The following ST7 variants were observed in gnomAD, a reference collection of about 807,000 sequenced individuals.
The protein encoded by ST7 is suppressor of tumorigenicity 7 protein.
ST7 carries 28 observed loss-of-function variants against 78.7 expected under a neutral mutation model. The ratio of observed to expected loss-of-function variants is 0.36; its 90% CI spans 0.26 to 0.49. The LOEUF is 0.49. Ranked by LOEUF, ST7 falls within the 20% of genes least tolerant of loss-of-function variation. The pLI is 0.99. For missense variants in ST7, 418 were observed against 696.0 expected (o/e 0.60, Z 4.49); for synonymous variants, 247 against 249.6 (o/e 0.99, Z 0.10).
chr7:117,170,541 C>T (rs550837259), intron 9 of ST7, among the ~76,000 whole-genome samples: 1 of 152,036 alleles, frequency 6.6e-6, no homozygotes, highest in Non-Finnish European at 1.5e-5. Context: ...ATTAGCCGGG[C>T]ATGGTAGCAT....
chr7:117,079,560 A>G (rs529546770), intron 1 of ST7, among the ~76,000 whole-genome samples: 1 of 152,326 alleles, frequency 6.6e-6, no homozygotes, highest in African/African-American at 2.4e-5. Flanking sequence ...TGTTGCTGCT[A>G]TTATTCTGTC....
At chr7:117,125,808 A>T (rs1251422550) in intron 3 of ST7, among the ~76,000 whole-genome samples, 1 of 152,060 alleles carries the variant, frequency 6.6e-6, no homozygotes, top group Non-Finnish European at 1.5e-5. Context: ...GGGAGTTTTT[A>T]AAAATTGTTT....
At chr7:117,177,282 G>A (rs1300300377) in intron 10 of ST7, among the ~76,000 whole-genome samples, 1 of 152,170 alleles carries the variant, frequency 6.6e-6, no homozygotes, top group Non-Finnish European at 1.5e-5. Flanking sequence ...TTTCAGTGAG[G>A]ACTATATGCA....
At chr7:117,182,775 T>C (rs1808878262) in intron 10 of ST7, 1 of 152,222 alleles carries the variant, frequency 6.6e-6, no homozygotes, top group Non-Finnish European at 1.5e-5. Flanking sequence ...AGGATTGTTT[T>C]CATTTCTAAT....
chr7:117,220,050 T>A (rs1792973649), intron 14 of ST7, among the ~76,000 whole-genome samples: 1 of 152,200 alleles, frequency 6.6e-6, no homozygotes, highest in African/African-American at 2.4e-5. Context: ...ATCTCTGCCC[T>A]TTCACCAGCC....
chr7:116,972,887 C>A, intron 1 of ST7: 1 of 1,320,090 alleles, frequency 7.6e-7, no homozygotes, highest in East Asian at 2.3e-5. Flanking sequence ...CCCTTAACCG[C>A]CTCGATGGTG....
intron 3 of ST7, among the ~76,000 whole-genome samples, chr7:117,123,949 G>A (rs1477529701): frequency 1.3e-5 from 2 of 151,984 alleles, no homozygotes; most frequent in Admixed American, 1.3e-4. Context: ...TAGTCACTTG[G>A]CTTCCTGTCA....
intron 9 of ST7, among the ~76,000 whole-genome samples, chr7:117,143,782 C>T (rs1434002992): frequency 6.6e-6 from 1 of 152,100 alleles, no homozygotes; most frequent in Non-Finnish European, 1.5e-5. Context: ...TGGGACCAGA[C>T]TTCATGAGTA....
chr7:117,133,691 T>C (rs904161074), intron 6 of ST7, among the ~76,000 whole-genome samples: 1 of 151,826 alleles, frequency 6.6e-6, no homozygotes, highest in Non-Finnish European at 1.5e-5. Context: ...TTATTATTAT[T>C]ATTGTTATTT....
chr7:117,014,458 T>A (rs1795516255), intron 1 of ST7, among the ~76,000 whole-genome samples: 1 of 152,226 alleles, frequency 6.6e-6, no homozygotes, highest in African/African-American at 2.4e-5. Flanking sequence ...GGACTGTTCT[T>A]GCATCACCTT....
chr7:117,168,360 T>C (rs1807725725), intron 9 of ST7, among the ~76,000 whole-genome samples: 2 of 152,214 alleles, frequency 1.3e-5, no homozygotes, highest in Non-Finnish European at 2.9e-5. Context: ...TTATAGAATA[T>C]GATTTGTGTC....
chr7:117,136,283 A>G (rs773627277), intron 8 of ST7, 48 bp downstream of exon 8: 1 of 1,612,016 alleles, frequency 6.2e-7, no homozygotes, highest in Non-Finnish European at 8.5e-7. Flanking sequence ...AATTGTAAAA[A>G]TTATTAATCA....
At chr7:116,966,672 C>G (rs1023572438) in intron 1 of ST7, among the ~76,000 whole-genome samples, 10 of 152,206 alleles carry the variant, frequency 6.6e-5, no homozygotes, top group Non-Finnish European at 1.2e-4. Context: ...AACATGGCAG[C>G]TAGACAGGCA....
At chr7:116,970,685 A>G (rs1257628305) in intron 1 of ST7, among the ~76,000 whole-genome samples, 4 of 152,244 alleles carry the variant, frequency 2.6e-5, no homozygotes, top group South Asian at 2.1e-4. Flanking sequence ...TTGGAGTGAC[A>G]CAAATATTCA....
intron 1 of ST7, among the ~76,000 whole-genome samples, chr7:117,037,919 A>G (rs541018017): frequency 4.9e-4 from 74 of 152,324 alleles, no homozygotes; most frequent in African/African-American, 1.7e-3. Flanking sequence ...GATGATTGAT[A>G]TCTTGATATA....
intron 1 of ST7, chr7:117,015,007 T>C: frequency 7.5e-7 from 1 of 1,336,590 alleles, no homozygotes; most frequent in Non-Finnish European, 9.8e-7. Context: ...TCATTATGGA[T>C]TATACAGGTA....
intron 1 of ST7, among the ~76,000 whole-genome samples, chr7:117,093,700 C>G (rs934458998): frequency 6.6e-6 from 1 of 151,376 alleles, no homozygotes; most frequent in Non-Finnish European, 1.5e-5. Context: ...GACTCCGTCT[C>G]AAAAAAACAA....
chr7:117,002,854 G>C (rs1306967638), intron 1 of ST7, among the ~76,000 whole-genome samples: 1 of 15,504 alleles, frequency 6.4e-5, no homozygotes, highest in African/African-American at 3.1e-4. Context: ...TGGAGTTTTT[G>C]CTCTAGTTGC....
intron 1 of ST7, among the ~76,000 whole-genome samples, chr7:116,965,395 G>A (rs549879884): frequency 1.3e-5 from 2 of 151,578 alleles, no homozygotes; most frequent in Admixed American, 6.6e-5. Context: ...ATCACACATC[G>A]GAGCCTGTGG....
Sources: allele counts gnomAD v4.1 joint callset (sites outside exome capture counted in the v4.1 genomes callset), GRCh38; gene constraint gnomAD v4.1.1; transcripts MANE v1.5; gene names NCBI Gene and HGNC (gene_info 2026-07-23, HGNC 2026-07-21).